The following CATSPERE variants were observed in gnomAD, a reference collection of about 807,000 sequenced individuals.
The protein encoded by CATSPERE is catsper channel auxiliary subunit epsilon.
A neutral mutation model predicts 114.1 loss-of-function variants in CATSPERE; 93 were observed. The ratio of observed to expected loss-of-function variants is 0.81; its 90% CI spans 0.69 to 0.97. The LOEUF is 0.97. Ranked by LOEUF, CATSPERE falls within the 50% of genes least tolerant of loss-of-function variation. CATSPERE has a pLI of 0.00. For synonymous variants in CATSPERE, 341 were observed against 384.1 expected (o/e 0.89, Z 1.31); for missense variants, 1,058 against 1,131.6 (o/e 0.93, Z 0.93).
chr1:244,607,947 A>C lies in CATSPERE; in HGVS notation c.2403+2153A>C, dbSNP rs539554371. 1.3e-5 allele frequency among the ~76,000 whole-genome samples: 2 copies of C among 151,928 alleles called. No homozygotes were observed. Among genetic ancestry groups the C allele is most frequent in the South Asian group, 4.2e-4 (2 of 4,808 alleles). On this transcript the variant is annotated intron_variant, in intron 18 of 21. Transcript: ENST00000366534. This position sits in a 1 kb window ranked among gnomAD's most constrained non-coding sequence, Gnocchi z 4.4. ...CATGGTGAAACCCCATATCTCCTAAAAATAAAAAAATTAGCTGGGCATGCT... is the reference window on the plus strand; with the variant it reads ...CATGGTGAAACCCCATATCTCCTAACAATAAAAAAATTAGCTGGGCATGCT...
At chr1:244,535,886 T>G (rs1680311358) in intron 8 of CATSPERE, among the ~76,000 whole-genome samples, 1 of 151,994 alleles carries the variant, frequency 6.6e-6, no homozygotes, top group Admixed American at 6.6e-5. Flanking sequence ...GGGTCACACA[T>G]GAAGCTGGCA....
chr1:244,548,576 A>G (rs966552180), intron 8 of CATSPERE, among the ~76,000 whole-genome samples: 2 of 152,226 alleles, frequency 1.3e-5, no homozygotes, highest in Admixed American at 6.5e-5. Flanking sequence ...CCATGGACTT[A>G]CAGAATATCT....
chr1:244,534,051 C>A (rs1455288192), intron 8 of CATSPERE, among the ~76,000 whole-genome samples: 1 of 152,058 alleles, frequency 6.6e-6, no homozygotes, highest in Admixed American at 6.6e-5. Context: ...GGTACAAGAT[C>A]TTTTTCCCTC....
rs184120010 is a variant in CATSPERE at position 244,489,643 on chromosome 1, T to A, written c.327-804T>A. Among the ~76,000 whole-genome samples, 383 of 151,992 alleles carry A rather than the reference T, an allele frequency of 2.5e-3. 2 individuals are homozygous for A. The highest frequency in any genetic ancestry group is 9.0e-3 in the African/African-American group (373 of 41,448). On this transcript the variant is annotated intron_variant, in intron 5 of 21. Transcript: ENST00000366534. ...GTGATGTAGGTTGCAGGTCTGCTTGTCATTTTCCAGTGGCTGTCTTGAATA... is the reference window on the plus strand; with the variant it reads ...GTGATGTAGGTTGCAGGTCTGCTTGACATTTTCCAGTGGCTGTCTTGAATA...
chr1:244,615,650 T>G (rs1014738530), intron 19 of CATSPERE, among the ~76,000 whole-genome samples: 7 of 152,064 alleles, frequency 4.6e-5, no homozygotes, highest in Non-Finnish European at 1.0e-4. Flanking sequence ...CTATTGTATA[T>G]GTGTTCTGTC....
chr1:244,567,377 A>G lies in CATSPERE; in HGVS notation c.1508-4953A>G, dbSNP rs943810894. ...TTTTGGTGTTCTCTGTATTTCCTGA[A>G]TTTGAATGTTGGCCTGTCTTGTTAG... On this transcript the variant is annotated intron_variant, in intron 10 of 21. Coordinates refer to ENST00000366534, the MANE Select transcript of CATSPERE (RefSeq NM_001130957.2). 1.8e-4 allele frequency among the ~76,000 whole-genome samples: 28 copies of G among 152,142 alleles called. 1 individual carries two copies. Among genetic ancestry groups the G allele is most frequent in the African/African-American group, 6.7e-4 (28 of 41,494 alleles).
intron 8 of CATSPERE, among the ~76,000 whole-genome samples, chr1:244,531,450 A>T (rs918223943): frequency 6.6e-6 from 1 of 152,084 alleles, no homozygotes; most frequent in African/African-American, 2.4e-5. Flanking sequence ...TTAGTATGAT[A>T]CTAACTGTGG....
intron 2 of CATSPERE, among the ~76,000 whole-genome samples, chr1:244,465,376 A>G (rs1263549958): frequency 2.0e-5 from 3 of 152,082 alleles, no homozygotes; most frequent in Non-Finnish European, 4.4e-5. Context: ...CCTGAACTGA[A>G]ATGTTTTTAT....
At chr1:244,467,770 T>G (rs1466910110) in intron 2 of CATSPERE, among the ~76,000 whole-genome samples, 1 of 152,176 alleles carries the variant, frequency 6.6e-6, no homozygotes, top group Non-Finnish European at 1.5e-5. Flanking sequence ...ATATGGCAAA[T>G]GAAAATAAGT....
chr1:244,567,639 C>T (rs1434961015), intron 10 of CATSPERE, among the ~76,000 whole-genome samples: 1 of 151,588 alleles, frequency 6.6e-6, no homozygotes, highest in Non-Finnish European at 1.5e-5. Flanking sequence ...ATCGATTTGG[C>T]TATTGATACT....
intron 17 of CATSPERE, among the ~76,000 whole-genome samples, chr1:244,597,893 G>A (rs1473960308): frequency 6.6e-6 from 1 of 152,294 alleles, no homozygotes; most frequent in East Asian, 1.9e-4. Context: ...CCTTCAATAA[G>A]TAAAAGGCAG....
chr1:244,492,565 A>G (rs1672393433), intron 6 of CATSPERE, among the ~76,000 whole-genome samples: 1 of 150,796 alleles, frequency 6.6e-6, no homozygotes. Flanking sequence ...CACCACTCCT[A>G]TTCAACATAG....
intron 8 of CATSPERE, among the ~76,000 whole-genome samples, chr1:244,522,448 T>G (rs1677735515): frequency 6.6e-6 from 1 of 152,024 alleles, no homozygotes; most frequent in African/African-American, 2.4e-5. Context: ...AGCAAACACA[T>G]TCAAAAGGTA....
rs190053262 is a variant in CATSPERE at position 244,618,873 on chromosome 1, G to A, written c.2648+1187G>A. 3.3e-3 allele frequency among the ~76,000 whole-genome samples: 508 copies of A among 152,262 alleles called. 3 individuals carry two copies. Among genetic ancestry groups the A allele is most frequent in the South Asian group, 9.7e-3 (47 of 4,832 alleles). ...GAAAGAGGTCAAAGGAAGGCCTAGT[G>A]GCAGTAAGAATGGAAAGAAGGGAAA... On this transcript the variant is annotated intron_variant, in intron 20 of 21. Transcript: ENST00000366534.
chr1:244,483,120 A>C (rs995042452), intron 5 of CATSPERE, among the ~76,000 whole-genome samples: 1 of 152,216 alleles, frequency 6.6e-6, no homozygotes, highest in African/African-American at 2.4e-5. Flanking sequence ...ATGATCCTGA[A>C]TATACCTCAT....
At chr1:244,630,190 G>C (rs1673747300) in intron 20 of CATSPERE, among the ~76,000 whole-genome samples, 1 of 152,204 alleles carries the variant, frequency 6.6e-6, no homozygotes, top group Admixed American at 6.5e-5. Flanking sequence ...GGGCCACAGA[G>C]AATGTAGTGA....
rs998020418 is a variant in CATSPERE at position 244,461,904 on chromosome 1, C to T, written c.65+410C>T. Among the ~76,000 whole-genome samples the T allele has an allele frequency of 1.4e-4, 21 of 152,268 alleles. 1 individual carries two copies. The highest frequency in any genetic ancestry group is 1.4e-3 in the Admixed American group (21 of 15,298). On this transcript the variant is annotated intron_variant, in intron 1 of 21. Coordinates refer to ENST00000366534, the MANE Select transcript of CATSPERE (RefSeq NM_001130957.2). ...TCATAGCTCCCTGAAGCCTGAAACT[C>T]CTGGGCCCAAGCGCTCCTCGCACCT...
intron 8 of CATSPERE, among the ~76,000 whole-genome samples, chr1:244,524,684 G>A (rs968929745): frequency 6.6e-5 from 10 of 151,496 alleles, no homozygotes; most frequent in Admixed American, 3.9e-4. Flanking sequence ...CAAAGGAAAC[G>A]AACAGACACT....
At chr1:244,489,329 A>G (rs1051135412) in intron 5 of CATSPERE, among the ~76,000 whole-genome samples, 3 of 152,168 alleles carry the variant, frequency 2.0e-5, no homozygotes, top group Non-Finnish European at 2.9e-5. Flanking sequence ...TCTGTTTGAC[A>G]TAAATTATAA....
Sources: allele counts gnomAD v4.1 joint callset (sites outside exome capture counted in the v4.1 genomes callset), GRCh38; gene constraint gnomAD v4.1.1; non-coding constraint Gnocchi (gnomAD v3.1); transcripts MANE v1.5; gene names NCBI Gene and HGNC (gene_info 2026-07-23, HGNC 2026-07-21).